The following ZNG1E variants were observed in gnomAD, a reference collection of about 807,000 sequenced individuals.
ZNG1E encodes the protein zinc-regulated GTPase metalloprotein activator 1E.
chr9:65,660,828 GATATATATATATATATAT>G, the ZNG1E span, among the ~76,000 whole-genome samples: 1 of 130,338 alleles, frequency 7.7e-6, no homozygotes, highest in Non-Finnish European at 1.6e-5. Context: ...TGGTTATACA[GATATATATATATATATAT>G]ATATATATAA....
the ZNG1E span, chr9:65,683,428 CAG>C: frequency 6.7e-6 from 1 of 149,016 alleles, no homozygotes; most frequent in African/African-American, 2.4e-5. Flanking sequence ...GAAAGCTACA[CAG>C]AGTCAACCTG....
the ZNG1E span, among the ~76,000 whole-genome samples, chr9:65,717,528 T>G: frequency 6.7e-6 from 1 of 149,830 alleles, no homozygotes; most frequent in African/African-American, 2.5e-5. Context: ...TGCTGTTCAC[T>G]AGTTAGCCAT....
chr9:65,659,487 T>G, the ZNG1E span, among the ~76,000 whole-genome samples: 1,203 of 120,412 alleles, frequency 1.0e-2, no homozygotes, highest in Non-Finnish European at 0.013. Context: ...AGAATGAGAC[T>G]CCGTCTCAAA....
chr9:65,679,978 A>G, the ZNG1E span, among the ~76,000 whole-genome samples: 1 of 152,282 alleles, frequency 6.6e-6, no homozygotes, highest in Non-Finnish European at 1.5e-5. Flanking sequence ...TCTGCAATGC[A>G]GTTAAAACTC....
chr9:65,665,071 A>G, the ZNG1E span, among the ~76,000 whole-genome samples: 3 of 152,274 alleles, frequency 2.0e-5, no homozygotes, highest in African/African-American at 7.2e-5. Flanking sequence ...GAAAATTTGC[A>G]GCCTGACAAT....
At chr9:65,711,417 TC>T in the ZNG1E span, among the ~76,000 whole-genome samples, 1 of 131,302 alleles carries the variant, frequency 7.6e-6, no homozygotes, top group Non-Finnish European at 1.6e-5. Flanking sequence ...AGAGAGGACA[TC>T]CCTGTCTTGT....
chr9:65,664,115 GTTA>G, the ZNG1E span, among the ~76,000 whole-genome samples: 1 of 152,024 alleles, frequency 6.6e-6, no homozygotes, highest in Non-Finnish European at 1.5e-5. Context: ...ACTTATAATT[GTTA>G]TTCTACAAAT....
At chr9:65,662,489 G>A in the ZNG1E span, among the ~76,000 whole-genome samples, 107 of 152,268 alleles carry the variant, frequency 7.0e-4, no homozygotes, top group African/African-American at 2.5e-3. Flanking sequence ...TAACATTCAG[G>A]AAAGCACAGT....
the ZNG1E span, among the ~76,000 whole-genome samples, chr9:65,663,854 CT>C: frequency 6.6e-6 from 1 of 151,426 alleles, no homozygotes; most frequent in African/African-American, 2.4e-5. Flanking sequence ...CATTGCTCCT[CT>C]TCCCCCATTG....
chr9:65,713,226 C>T, the ZNG1E span, among the ~76,000 whole-genome samples: 11 of 138,238 alleles, frequency 8.0e-5, no homozygotes, highest in Middle Eastern at 7.4e-3. Flanking sequence ...TCCTCCATCC[C>T]TTTATTTTGA....
the ZNG1E span, among the ~76,000 whole-genome samples, chr9:65,663,220 A>G: frequency 6.1e-4 from 93 of 152,240 alleles, no homozygotes; most frequent in African/African-American, 2.1e-3. Context: ...GTTTTTATTT[A>G]ATCTCCCAGG....
the ZNG1E span, among the ~76,000 whole-genome samples, chr9:65,674,014 T>A: frequency 6.6e-6 from 1 of 152,226 alleles, no homozygotes; most frequent in East Asian, 1.9e-4. Context: ...GCCAAAAAAA[T>A]CAATACTTCA....
the ZNG1E span, among the ~76,000 whole-genome samples, chr9:65,714,269 CA>C: frequency 6.7e-6 from 1 of 149,786 alleles, no homozygotes; most frequent in African/African-American, 2.5e-5. Flanking sequence ...AAATTTTTTC[CA>C]AAGTTTTCAA....
chr9:65,721,681 A>G, the ZNG1E span, among the ~76,000 whole-genome samples: 3 of 150,826 alleles, frequency 2.0e-5, no homozygotes, highest in South Asian at 4.2e-4. Flanking sequence ...TTATGTACCT[A>G]TTGCCCTTGG....
the ZNG1E span, among the ~76,000 whole-genome samples, chr9:65,717,618 C>T: frequency 2.0e-5 from 3 of 149,462 alleles, no homozygotes; most frequent in African/African-American, 7.6e-5. Context: ...GTTACAGATC[C>T]TGTGATACAT....
At chr9:65,711,093 A>G in the ZNG1E span, among the ~76,000 whole-genome samples, 20 of 115,068 alleles carry the variant, frequency 1.7e-4, 1 homozygote, top group African/African-American at 3.3e-4. Flanking sequence ...TTGGATTCCT[A>G]GGTATTTTAT....
At chr9:65,714,991 C>T in the ZNG1E span, among the ~76,000 whole-genome samples, 1 of 150,028 alleles carries the variant, frequency 6.7e-6, no homozygotes, top group Non-Finnish European at 1.5e-5. Context: ...GCGCCCCTCC[C>T]CCAGCCTCGC....
the ZNG1E span, among the ~76,000 whole-genome samples, chr9:65,667,380 A>G: frequency 1.3e-5 from 2 of 152,274 alleles, no homozygotes; most frequent in African/African-American, 2.4e-5. Context: ...GGGTAGAATC[A>G]TATTAATTAT....
chr9:65,665,120 C>G, the ZNG1E span, among the ~76,000 whole-genome samples: 2 of 152,272 alleles, frequency 1.3e-5, no homozygotes, highest in African/African-American at 4.8e-5. Context: ...AGGAGAAATT[C>G]AAGCTGGCTG....
Sources: allele counts gnomAD v4.1 joint callset (sites outside exome capture counted in the v4.1 genomes callset), GRCh38; gene constraint gnomAD v4.1.1; transcripts MANE v1.5; gene names NCBI Gene and HGNC (gene_info 2026-07-23, HGNC 2026-07-21).